ZHX3: variants seen among roughly 807,000 people sequenced by gnomAD.
ZHX3 encodes zinc fingers and homeoboxes 3, also known as zinc fingers and homeoboxes protein 3.
ZHX3 carries 20 observed loss-of-function variants against 64.5 expected under a neutral mutation model. The ratio of observed to expected loss-of-function variants is 0.31; its 90% CI spans 0.22 to 0.45. The LOEUF is 0.45. Among genes scored for constraint, ZHX3 ranks in the 20% least tolerant of loss-of-function variants. The pLI is 1.00. For missense variants in ZHX3, 1,041 were observed against 1,195.8 expected (o/e 0.87, Z 1.91); for synonymous variants, 423 against 461.6 (o/e 0.92, Z 1.07).
intron 1 of ZHX3, among the ~76,000 whole-genome samples, chr20:41,303,522 A>G (rs548953152): frequency 1.3e-5 from 2 of 152,332 alleles, no homozygotes; most frequent in Non-Finnish European, 1.5e-5. Context: ...GCTCCACTTT[A>G]CACAAAAAAA....
In ZHX3 at chr20:41,224,224, G is replaced by A. The variant is rs1160459050; in HGVS notation, c.-150-19158C>T. On this transcript the variant is annotated intron_variant, in intron 2 of 3. Transcript: ENST00000683867. The surrounding 1 kb of genome is among the most constrained non-coding windows in gnomAD (Gnocchi z 5.2). The stretch of plus-strand genomic sequence containing the variant: ...AATGTGGGAGCTAATTATCATTTAT[G>A]ACAATTTATTACAAAGCCCCTTTCT... Among the ~76,000 whole-genome samples, 1 of 151,836 alleles carries A rather than the reference G, an allele frequency of 6.6e-6. No individual in the cohort carries two copies. The highest frequency in any genetic ancestry group is 1.5e-5 in the Non-Finnish European group (1 of 67,786).
chr20:41,209,484 T>C (rs2146273646), intron 2 of ZHX3, among the ~76,000 whole-genome samples: 1 of 152,306 alleles, frequency 6.6e-6, no homozygotes, highest in East Asian at 1.9e-4. Flanking sequence ...ATGGTACTGG[T>C]ACCAAAACAG....
At chr20:41,210,749 T>C (rs944970069) in intron 2 of ZHX3, among the ~76,000 whole-genome samples, 2 of 152,166 alleles carry the variant, frequency 1.3e-5, no homozygotes, top group Non-Finnish European at 2.9e-5. Context: ...AAATGACAAG[T>C]TAACGAGTGC....
chr20:41,281,314 G>A (rs1043600999), intron 1 of ZHX3, among the ~76,000 whole-genome samples: 3 of 152,192 alleles, frequency 2.0e-5, no homozygotes, highest in African/African-American at 7.2e-5. Flanking sequence ...TCACCACTGT[G>A]TACTCTGGGG....
intron 2 of ZHX3, among the ~76,000 whole-genome samples, chr20:41,233,261 G>A (rs1187534733): frequency 6.6e-6 from 1 of 152,200 alleles, no homozygotes; most frequent in African/African-American, 2.4e-5. Flanking sequence ...CTAAATGGGG[G>A]TGTTCCCTTA....
intron 2 of ZHX3, among the ~76,000 whole-genome samples, chr20:41,207,429 A>C (rs910209673): frequency 6.6e-6 from 1 of 152,198 alleles, no homozygotes; most frequent in Admixed American, 6.5e-5. Flanking sequence ...TCCAAAATTG[A>C]CCACATAGTT....
At chr20:41,258,395 C>T (rs1447842190) in intron 2 of ZHX3, among the ~76,000 whole-genome samples, 2 of 152,056 alleles carry the variant, frequency 1.3e-5, no homozygotes, top group Admixed American at 1.3e-4. Context: ...CAAGTCGTAC[C>T]GGTTTTTTCT....
intron 1 of ZHX3, among the ~76,000 whole-genome samples, chr20:41,288,843 G>A (rs866929095): frequency 7.9e-5 from 12 of 152,090 alleles, no homozygotes; most frequent in Non-Finnish European, 1.0e-4. Flanking sequence ...AAGTGACTTT[G>A]AATTTCAGGA....
At chr20:41,289,167 A>AT (rs543905131) in intron 1 of ZHX3, among the ~76,000 whole-genome samples, 195 of 150,882 alleles carry the variant, frequency 1.3e-3, no homozygotes, top group African/African-American at 4.4e-3. Context: ...ATTTTTTTTT[A>AT]TTTTTTTGTA....
chr20:41,208,157 C>G (rs149329228), intron 2 of ZHX3, among the ~76,000 whole-genome samples: 11,256 of 152,270 alleles, frequency 0.074, 455 homozygotes, highest in Middle Eastern at 0.17. Context: ...AGTTGAATCC[C>G]TGAATACACC....
Position 41,286,666 on chromosome 20 carries a change from A to T in ZHX3, c.-244-17583T>A, listed in dbSNP as rs76881054. 8.1e-3 allele frequency among the ~76,000 whole-genome samples: 1,221 copies of T among 151,626 alleles called. 6 individuals are homozygous for T. The highest frequency in any genetic ancestry group is 9.5e-3 in the Non-Finnish European group (648 of 67,896). ...AAGCCCTGCATGATCTATCTTCCCC[A>T]CTCCCATTACTCTATAACCTCATCT... On this transcript the variant is annotated intron_variant, in intron 1 of 3. Transcript: ENST00000683867.
intron 2 of ZHX3, among the ~76,000 whole-genome samples, chr20:41,240,274 T>A (rs1311728748): frequency 6.6e-6 from 1 of 152,202 alleles, no homozygotes; most frequent in Non-Finnish European, 1.5e-5. Flanking sequence ...CAGTAAATCA[T>A]ATCATAATCC....
intron 2 of ZHX3, among the ~76,000 whole-genome samples, chr20:41,260,932 A>C (rs577016946): frequency 9.8e-5 from 15 of 152,376 alleles, no homozygotes; most frequent in African/African-American, 3.4e-4. Context: ...TTAGCACTAC[A>C]CAATCCTGTT....
chr20:41,214,944 C>G (rs1367562034), intron 2 of ZHX3, among the ~76,000 whole-genome samples: 1 of 152,154 alleles, frequency 6.6e-6, no homozygotes, highest in African/African-American at 2.4e-5. Flanking sequence ...ATCTTGAAAC[C>G]TTCTGCCTTG....
intron 2 of ZHX3, among the ~76,000 whole-genome samples, chr20:41,240,345 A>C (rs2041296424): frequency 6.6e-6 from 1 of 152,178 alleles, no homozygotes; most frequent in Non-Finnish European, 1.5e-5. Flanking sequence ...CCTTCAAATC[A>C]TCGAACTTAC....
intron 2 of ZHX3, among the ~76,000 whole-genome samples, chr20:41,266,887 CTG>C (rs1401818278): frequency 3.2e-4 from 36 of 111,912 alleles, no homozygotes; most frequent in Admixed American, 1.1e-3. Flanking sequence ...GAATCTCACT[CTG>C]TTGTCCAGAC....
intron 2 of ZHX3, among the ~76,000 whole-genome samples, chr20:41,220,762 C>T (rs746357241): frequency 3.3e-5 from 5 of 152,016 alleles, no homozygotes; most frequent in Non-Finnish European, 7.4e-5. Context: ...GGTACAATCA[C>T]GGCTCTCTGC....
chr20:41,242,912 A>G (rs572447379), intron 2 of ZHX3, among the ~76,000 whole-genome samples: 46 of 152,310 alleles, frequency 3.0e-4, no homozygotes, highest in South Asian at 6.2e-4. Flanking sequence ...GCTTGGTGGA[A>G]AAAGCTAAAT....
chr20:41,288,903 C>G (rs1212441572), intron 1 of ZHX3, among the ~76,000 whole-genome samples: 1 of 152,138 alleles, frequency 6.6e-6, no homozygotes, highest in African/African-American at 2.4e-5. Flanking sequence ...TTATTTAATA[C>G]TTAGATGTTA....
Sources: gnomAD v4.1 joint callset for allele counts (sites outside exome capture counted in the v4.1 genomes callset) on GRCh38, gnomAD v4.1.1 for gene constraint, Gnocchi (gnomAD v3.1) non-coding constraint, MANE v1.5 for transcripts, NCBI Gene and HGNC (gene_info 2026-07-23, HGNC 2026-07-21) for gene names.